BCL6: variants seen among roughly 807,000 people sequenced by gnomAD.
BCL6 encodes B-cell lymphoma 6 protein.
Under a neutral mutation model 59.5 loss-of-function variants are expected in BCL6, and 7 were observed. The ratio of observed to expected loss-of-function variants is 0.12; its 90% CI spans 0.07 to 0.22. BCL6 has a LOEUF of 0.22. BCL6 is among the 10% of genes least tolerant of loss of function. The probability of loss-of-function intolerance (pLI) is 1.00; values close to 1 mark genes in which losing one functional copy is unlikely to be tolerated. For missense variants in BCL6, 685 were observed against 939.4 expected (o/e 0.73, Z 3.54); for synonymous variants, 339 against 349.7 (o/e 0.97, Z 0.34).
intron 1 of BCL6, among the ~76,000 whole-genome samples, chr3:187,743,870 A>C (rs1711728693): frequency 6.6e-6 from 1 of 152,176 alleles, no homozygotes; most frequent in East Asian, 1.9e-4. Context: ...AAATCCAACC[A>C]ACCTCGCAAT....
intron 1 of BCL6, among the ~76,000 whole-genome samples, chr3:187,743,980 T>C (rs2108482688): frequency 6.6e-6 from 1 of 152,092 alleles, no homozygotes; most frequent in Non-Finnish European, 1.5e-5. Context: ...TGCCCTTCTC[T>C]CCTCCTGAGT....
rs1487231523 is a variant in BCL6, at chr3:187,729,084, G to A, written c.1321C>T (p.Pro441Ser). Reference sequence around the variant, plus strand: ...ATGTTATTGAGCCGGCTGGCTTGTGGGATGGTGGAGTCCTCCCCGCTGGCA... The same window carrying A: ...ATGTTATTGAGCCGGCTGGCTTGTGAGATGGTGGAGTCCTCCCCGCTGGCA... ...LSASGEDSTIPQASRLNNIVN... is the reference protein window; with the variant it reads ...LSASGEDSTISQASRLNNIVN... Residue 441 changes from proline to serine, a missense_variant, in exon 5 of 10, where the codon CCA becomes TCA. This residue lies in a region of BCL6 where 207 missense variants were observed against 213.7 expected (regional missense o/e 0.97). Transcript: ENST00000406870. The surrounding 1 kb of genome is among the most constrained non-coding windows in gnomAD (Gnocchi z 5.6). The A allele has an allele frequency of 6.5e-7, 1 of 1,536,812 alleles. No homozygotes were observed. Among genetic ancestry groups the A allele is most frequent in the Non-Finnish European group, 8.7e-7 (1 of 1,143,424 alleles).
At chr3:187,733,300 T>G (rs1719134007) in intron 3 of BCL6, among the ~76,000 whole-genome samples, 1 of 152,066 alleles carries the variant, frequency 6.6e-6, no homozygotes, top group African/African-American at 2.4e-5. Context: ...AGTATATAAT[T>G]TTTCTCCCTC....
In BCL6 at chr3:187,745,403, T is replaced by C. The variant is rs548212479; in HGVS notation, c.-50+7A>G. The C allele has an allele frequency of 2.5e-6, 1 of 401,648 alleles. No individual in the cohort carries two copies. The highest frequency in any genetic ancestry group is 1.2e-4 in the South Asian group (1 of 8,168). The allele number at this position is 401,648 out of a possible 1,614,324, so 24.9% of individuals were successfully genotyped here. A position where few individuals can be genotyped will look rare whatever the true frequency, so the allele number is the denominator to read the frequency against. On this transcript the variant is annotated splice_region_variant and intron_variant, in intron 1 of 9. Transcript: ENST00000406870. ...GCAGCAGCGGCGGCAGCAACAGCAA[T>C]AATCACCTGGTGTCCGGCCTTTCCT...
intron 1 of BCL6, among the ~76,000 whole-genome samples, chr3:187,745,133 A>T (rs531410366): frequency 3.9e-5 from 6 of 152,222 alleles, no homozygotes; most frequent in South Asian, 2.1e-4. Context: ...TAATAATAAT[A>T]AATACATAAC....
intron 1 of BCL6, among the ~76,000 whole-genome samples, chr3:187,745,081 CA>C (rs1711864647): frequency 1.3e-5 from 2 of 152,080 alleles, no homozygotes; most frequent in African/African-American, 2.4e-5. Context: ...GGGAGGGTGG[CA>C]AAAGCCTCCC....
At chr3:187,726,589 C>T (rs1461189389) in intron 7 of BCL6, 142 bp downstream of exon 7, 17 of 1,171,430 alleles carry the variant, frequency 1.5e-5, no homozygotes, top group Admixed American at 2.6e-5. Context: ...CAGGGTTAGA[C>T]CCCTCGTTCA....
intron 4 of BCL6, 57 bp from the exon 5 acceptor site, chr3:187,730,078 T>A: frequency 6.6e-7 from 1 of 1,512,134 alleles, no homozygotes. Flanking sequence ...GTTAAATAGA[T>A]GACCTTCCAG....
intron 7 of BCL6, 88 bp downstream of exon 7, chr3:187,726,641 TCC>T (rs1718710771): frequency 6.5e-7 from 1 of 1,534,454 alleles, no homozygotes; most frequent in Non-Finnish European, 8.8e-7. Flanking sequence ...CCACCAGGTC[TCC>T]AGGCCCCACA....
intron 1 of BCL6, among the ~76,000 whole-genome samples, chr3:187,743,426 T>C (rs1711692485): frequency 6.6e-6 from 1 of 152,148 alleles, no homozygotes; most frequent in African/African-American, 2.4e-5. Flanking sequence ...AGCACCTGGT[T>C]TGGGGTCATT....
intron 1 of BCL6, among the ~76,000 whole-genome samples, chr3:187,741,397 A>T (rs1007197461): frequency 6.6e-6 from 1 of 152,094 alleles, no homozygotes; most frequent in East Asian, 1.9e-4. Context: ...GTCATCCAGC[A>T]AAGAAAGTCG....
chr3:187,735,446 C>G (rs1449646334), intron 1 of BCL6, among the ~76,000 whole-genome samples: 4 of 152,194 alleles, frequency 2.6e-5, no homozygotes, highest in Admixed American at 6.5e-5. Flanking sequence ...TCAAGACAAA[C>G]AGCTAGGCAG....
Position 187,725,721 on chromosome 3 carries a change from C to T in BCL6, c.1709-92G>A. The T allele has an allele frequency of 6.8e-7, 1 of 1,478,964 alleles. No homozygotes were observed. The allele number at this position is 1,478,964 out of a possible 1,614,324, so 91.6% of individuals were successfully genotyped here. On this transcript the variant is annotated intron_variant, in intron 7 of 9. Coordinates refer to ENST00000406870, the MANE Select transcript of BCL6 (RefSeq NM_001706.5). This position sits in a 1 kb window ranked among gnomAD's most constrained non-coding sequence, Gnocchi z 4.7. ...TCCTGGATTTCTAAGCAGCCTGCTC[C>T]TCCCTGAGGCCACTTGTGTTTTCCT...
chr3:187,742,999 C>T (rs1711667694), intron 1 of BCL6, among the ~76,000 whole-genome samples: 1 of 150,192 alleles, frequency 6.7e-6, no homozygotes. Flanking sequence ...ATACCTGTCT[C>T]CTGATGGATC....
intron 6 of BCL6, among the ~76,000 whole-genome samples, chr3:187,727,861 C>A (rs941843906): frequency 5.3e-5 from 8 of 152,204 alleles, no homozygotes; most frequent in African/African-American, 1.9e-4. Flanking sequence ...CCAGAAACTG[C>A]AATTTAATAA....
chr3:187,733,941 G>C (rs1052555687), intron 2 of BCL6: 4 of 524,274 alleles, frequency 7.6e-6, no homozygotes, highest in Non-Finnish European at 1.4e-5. Context: ...AAAAGCAAAG[G>C]GAATGAATAT....
At chr3:187,735,132 G>A (rs966089987) in intron 1 of BCL6, among the ~76,000 whole-genome samples, 5 of 152,120 alleles carry the variant, frequency 3.3e-5, no homozygotes. Flanking sequence ...AGAGTACTGG[G>A]AGTACAATTG....
intron 1 of BCL6, among the ~76,000 whole-genome samples, chr3:187,739,825 C>T (rs1382942291): frequency 2.0e-5 from 3 of 152,122 alleles, no homozygotes; most frequent in Non-Finnish European, 4.4e-5. Context: ...GCATGATCTC[C>T]TCAAGCAAAC....
chr3:187,721,890 AC>A lies in BCL6; in HGVS notation c.*567del, dbSNP rs1718432593. ...CTCAGATCCGTGTCTGCCTGCAGAT[AC>A]AAAATCGAGCCTTTAACGCAGTTTT... On this transcript the variant is annotated 3_prime_UTR_variant, in exon 10 of 10. Transcript: ENST00000406870. This position sits in a 1 kb window ranked among gnomAD's most constrained non-coding sequence, Gnocchi z 4.2. The A allele has an allele frequency of 4.7e-6, 1 of 212,508 alleles. No individual in the cohort carries two copies. Among genetic ancestry groups the A allele is most frequent in the African/African-American group, 2.3e-5 (1 of 44,100 alleles). 13.2% of individuals were successfully genotyped at this position (212,508 alleles called of 1,614,324 possible).
Sources: gnomAD v4.1 joint callset for allele counts (sites outside exome capture counted in the v4.1 genomes callset) on GRCh38, gnomAD v4.1.1 for gene constraint, gnomAD v4.1.1 regional missense constraint, Gnocchi (gnomAD v3.1) non-coding constraint, MANE v1.5 for transcripts, NCBI Gene and HGNC (gene_info 2026-07-23, HGNC 2026-07-21) for gene names.